Variants in TOGARAM1 observed in about 807,000 individuals in gnomAD.
The protein encoded by TOGARAM1 is TOG array regulator of axonemal microtubules 1.
Under a neutral mutation model 166.6 loss-of-function variants are expected in TOGARAM1, and 100 were observed. The observed-to-expected ratio is 0.60, with a 90% CI of 0.51 to 0.71. The LOEUF (loss-of-function observed/expected upper bound fraction) is 0.71. Among genes scored for constraint, TOGARAM1 ranks in the 30% least tolerant of loss-of-function variants. The pLI is 0.00. For missense variants in TOGARAM1, 2,029 were observed against 2,102.7 expected (o/e 0.96, Z 0.69); for synonymous variants, 758 against 763.8 (o/e 0.99, Z 0.13).
Position 44,965,869 on chromosome 14 carries a change from A to ATTT in TOGARAM1, c.2046+1423_2046+1425dup, listed in dbSNP as rs747983176. The stretch of plus-strand genomic sequence containing the variant: ...TTACACTGGGGGCTTACAAATAGTA[A>ATTT]TTTTTTTTTTTTTTTTTTTTTTTGA... On this transcript the variant is annotated intron_variant, in intron 1 of 19. Coordinates refer to ENST00000361462, the MANE Select transcript of TOGARAM1 (RefSeq NM_001308120.2). 1.9e-3 allele frequency among the ~76,000 whole-genome samples: 223 copies of ATTT among 120,474 alleles called. 2 individuals are homozygous for ATTT. Among genetic ancestry groups the ATTT allele is most frequent in the African/African-American group, 3.7e-3 (112 of 30,072 alleles). The allele number at this position is 120,474 out of a possible 152,430, so 79.0% of individuals were successfully genotyped here. A position where few individuals can be genotyped will look rare whatever the true frequency, so the allele number is the denominator to read the frequency against.
chr14:45,049,232 C>A (rs1882238009), intron 14 of TOGARAM1, among the ~76,000 whole-genome samples: 1 of 151,902 alleles, frequency 6.6e-6, no homozygotes, highest in Admixed American at 6.6e-5. Context: ...ATCTTTCAGA[C>A]TTCCTCTTTT....
intron 11 of TOGARAM1, among the ~76,000 whole-genome samples, chr14:45,040,350 G>A (rs1881665191): frequency 6.6e-6 from 1 of 152,056 alleles, no homozygotes; most frequent in Non-Finnish European, 1.5e-5. Context: ...TATTAGAAAA[G>A]AAGAAAAGTT....
intron 1 of TOGARAM1, among the ~76,000 whole-genome samples, chr14:44,985,576 A>G (rs1425552213): frequency 6.6e-6 from 1 of 152,196 alleles, no homozygotes; most frequent in Non-Finnish European, 1.5e-5. Context: ...TTGTGCTCCT[A>G]TGAGAATCTA....
chr14:44,990,409 G>A (rs1887063835), intron 1 of TOGARAM1, among the ~76,000 whole-genome samples: 2 of 152,326 alleles, frequency 1.3e-5, no homozygotes, highest in South Asian at 4.1e-4. Context: ...TATGAGGAAA[G>A]TTTAACTGAG....
rs571528771 is a variant in TOGARAM1, at chr14:45,074,249, A to G, written c.*688A>G. 4.6e-5 allele frequency: 7 copies of G among 152,766 alleles called. No homozygotes were observed. In the East Asian group the frequency reaches 9.6e-4, roughly 21 times the overall value. 9.5% of individuals were successfully genotyped at this position (152,766 alleles called of 1,614,324 possible). A position where few individuals can be genotyped will look rare whatever the true frequency, so the allele number is the denominator to read the frequency against. On this transcript the variant is annotated 3_prime_UTR_variant, in exon 20 of 20. Coordinates refer to ENST00000361462, the MANE Select transcript of TOGARAM1 (RefSeq NM_001308120.2). ...AACCCCCCTATTTTTGTGTGCAAAC[A>G]CTAAATTTTATTGCTTTATGTTTTG...
chr14:45,046,652 G>A lies in TOGARAM1; in HGVS notation c.4262G>A (p.Arg1421His), dbSNP rs1265860596. Reference sequence around the variant, plus strand: ...TCTGCAGCAAAGGATATGGCTGAACGCATATTACCAGCTGCTGCTAAGTTT... The same window carrying A: ...TCTGCAGCAAAGGATATGGCTGAACACATATTACCAGCTGCTGCTAAGTTT... The part of the protein sequence containing the change: ...ILSAAKDMAE[R>H]ILPAAAKFAQ... Residue 1421 changes from arginine (R) to histidine (H), a missense_variant, in exon 14 of 20, where the codon CGC becomes CAC. Around this residue, in one of 2 missense-constraint regions of TOGARAM1, gnomAD observed 576 missense variants for 670.5 expected, o/e 0.86. Transcript: ENST00000361462. The A allele has an allele frequency of 8.1e-6, 11 of 1,351,286 alleles. No individual in the cohort carries two copies. In the South Asian group the frequency reaches 1.3e-4, roughly 16 times the overall value. The allele number at this position is 1,351,286 out of a possible 1,614,324, so 83.7% of individuals were successfully genotyped here.
intron 7 of TOGARAM1, among the ~76,000 whole-genome samples, chr14:45,015,671 T>C (rs948894691): frequency 1.2e-4 from 18 of 152,098 alleles, no homozygotes; most frequent in Non-Finnish European, 1.6e-4. Context: ...ATTTTCTTCA[T>C]TTAATCCTAA....
rs1433104243 is a variant in TOGARAM1 at position 44,962,571 on chromosome 14, C to A, written c.150C>A (p.Phe50Leu). The change falls in exon 1 of 20, where the codon TTC (phenylalanine) becomes TTA (leucine). Residue 50 changes from phenylalanine (F) to leucine (L), a missense_variant. Coordinates refer to ENST00000361462, the MANE Select transcript of TOGARAM1 (RefSeq NM_001308120.2). ...TGAGAGGAGAGAAAAACTACTACTT[C>A]CGTGGAGCTGCGGGGGACCACGGTT... is the stretch of plus-strand genomic sequence containing the variant. Reference protein sequence around the residue: ...GIMRGEKNYYFRGAAGDHGSC... With the variant: ...GIMRGEKNYYLRGAAGDHGSC... The A allele has an allele frequency of 1.9e-6, 3 of 1,613,980 alleles. No individual in the cohort carries two copies. Among genetic ancestry groups the A allele is most frequent in the Admixed American group, 3.3e-5 (2 of 60,010 alleles).
At chr14:44,995,048 T>A (rs1887348440) in intron 1 of TOGARAM1, among the ~76,000 whole-genome samples, 1 of 152,210 alleles carries the variant, frequency 6.6e-6, no homozygotes, top group Non-Finnish European at 1.5e-5. Flanking sequence ...AGGTCATCAT[T>A]GTTGAAGAAT....
intron 3 of TOGARAM1, among the ~76,000 whole-genome samples, chr14:45,002,529 A>G (rs1887735669): frequency 6.6e-6 from 1 of 152,192 alleles, no homozygotes; most frequent in Admixed American, 6.5e-5. Context: ...TGAAGGACCT[A>G]TGGTATGGAT....
intron 1 of TOGARAM1, among the ~76,000 whole-genome samples, chr14:44,982,829 C>G (rs1432112075): frequency 1.3e-5 from 2 of 152,118 alleles, no homozygotes; most frequent in East Asian, 3.8e-4. Flanking sequence ...TCCTTCTTCT[C>G]AATGATGGTA....
At chr14:45,019,155 T>C (rs1444243093) in intron 7 of TOGARAM1, among the ~76,000 whole-genome samples, 3 of 152,220 alleles carry the variant, frequency 2.0e-5, no homozygotes, top group Admixed American at 6.5e-5. Flanking sequence ...TTATGGAGGC[T>C]TAAAGCTTTA....
chr14:45,072,220 G>C (rs1402350841), intron 19 of TOGARAM1, among the ~76,000 whole-genome samples: 2 of 152,216 alleles, frequency 1.3e-5, no homozygotes, highest in Middle Eastern at 3.2e-3. Context: ...GGTTTGCATA[G>C]AGGACATGCA....
chr14:44,996,909 A>G (rs1887439519), intron 2 of TOGARAM1: 3 of 152,266 alleles, frequency 2.0e-5, no homozygotes, highest in Admixed American at 6.5e-5. Flanking sequence ...GAAATCTGCC[A>G]CATGATCCAG....
intron 18 of TOGARAM1, among the ~76,000 whole-genome samples, chr14:45,069,420 T>A (rs1205360573): frequency 6.6e-6 from 1 of 151,744 alleles, no homozygotes; most frequent in Non-Finnish European, 1.5e-5. Context: ...AGCTACAGAC[T>A]GGGAAAAATA....
At chr14:44,982,551 G>C (rs904511393) in intron 1 of TOGARAM1, among the ~76,000 whole-genome samples, 1 of 152,162 alleles carries the variant, frequency 6.6e-6, no homozygotes, top group African/African-American at 2.4e-5. Context: ...CACGAGGTCT[G>C]TAGTTTTTTC....
chr14:44,965,963 C>T (rs986064286), intron 1 of TOGARAM1, among the ~76,000 whole-genome samples: 1 of 148,020 alleles, frequency 6.8e-6, no homozygotes, highest in African/African-American at 2.5e-5. Context: ...CAACCTCTGT[C>T]TCCCAGGGTC....
At chr14:44,986,761 C>A (rs1250173265) in intron 1 of TOGARAM1, among the ~76,000 whole-genome samples, 3 of 151,562 alleles carry the variant, frequency 2.0e-5, no homozygotes, top group Non-Finnish European at 4.4e-5. Flanking sequence ...AATCCCAGCA[C>A]TTTGGGAGGC....
rs552102603 is a variant in TOGARAM1 at position 45,062,588 on chromosome 14, A to G, written c.4560-3990A>G. 9.2e-5 allele frequency among the ~76,000 whole-genome samples: 14 copies of G among 152,294 alleles called. No homozygotes were observed. The East Asian group carries it at 2.3e-3, about 25-fold the overall frequency. On this transcript the variant is annotated intron_variant, in intron 16 of 19. Transcript: ENST00000361462. Reference sequence around the variant, plus strand: ...GGATCGTTCAACTTACGATTTTTCAACCTTACAATGGTGCAAAAGCAGTAT... The same window carrying G: ...GGATCGTTCAACTTACGATTTTTCAGCCTTACAATGGTGCAAAAGCAGTAT...
Sources: gnomAD v4.1 joint callset for allele counts (sites outside exome capture counted in the v4.1 genomes callset) on GRCh38, gnomAD v4.1.1 for gene constraint, gnomAD v4.1.1 regional missense constraint, MANE v1.5 for transcripts, NCBI Gene and HGNC (gene_info 2026-07-23, HGNC 2026-07-21) for gene names.